The following GABRG3 variants were observed in gnomAD, a reference collection of about 807,000 sequenced individuals.
The protein encoded by GABRG3 is gamma-aminobutyric acid type A receptor subunit gamma3.
A neutral mutation model predicts 48.8 loss-of-function variants in GABRG3; 25 were observed. That is an observed-to-expected ratio of 0.51 (90% CI 0.37 to 0.72). GABRG3 has a LOEUF of 0.72. Ranked by LOEUF, GABRG3 falls within the 30% of genes least tolerant of loss-of-function variation. The pLI is 0.00. For synonymous variants in GABRG3, 227 were observed against 217.6 expected (o/e 1.04, Z -0.38); for missense variants, 394 against 577.9 (o/e 0.68, Z 3.26).
rs572900298 is a variant in GABRG3, at chr15:27,083,547, C to T, written c.270+56726C>T. ...TTCACCATGTTGGCCAGGATGGTCT[C>T]GATCTCCTGACCTCATGATCCACCT... On this transcript the variant is annotated intron_variant, in intron 3 of 9. Coordinates refer to ENST00000615808, the MANE Select transcript of GABRG3 (RefSeq NM_033223.5). Among the ~76,000 whole-genome samples the T allele has an allele frequency of 3.5e-3, 525 of 152,072 alleles. 3 individuals carry two copies. The highest frequency in any genetic ancestry group is 6.5e-3 in the Non-Finnish European group (444 of 67,990).
chr15:27,163,460 A>G (rs1357017969), intron 3 of GABRG3, among the ~76,000 whole-genome samples: 1 of 152,040 alleles, frequency 6.6e-6, no homozygotes, highest in East Asian at 1.9e-4. Flanking sequence ...GGCAAATCTC[A>G]TAACCTCCAT....
rs1290967519 is a variant in GABRG3 at position 27,306,336 on chromosome 15, A to AT, written c.271-20473_271-20472insT. Among the ~76,000 whole-genome samples the AT allele has an allele frequency of 2.2e-4, 24 of 109,560 alleles. 1 individual carries two copies. The highest frequency in any genetic ancestry group is 2.3e-4 in the Non-Finnish European group (14 of 61,064). The allele number at this position is 109,560 out of a possible 152,430, so 71.9% of individuals were successfully genotyped here. A position where few individuals can be genotyped will look rare whatever the true frequency, so the allele number is the denominator to read the frequency against. On this transcript the variant is annotated intron_variant, in intron 3 of 9. Coordinates refer to ENST00000615808, the MANE Select transcript of GABRG3 (RefSeq NM_033223.5). ...TATAAACATGTCTATATATAAACAT[A>AT]AAATATAAACATGTCTACATATAAA...
chr15:27,276,518 C>T (rs976570838), intron 3 of GABRG3, among the ~76,000 whole-genome samples: 1 of 152,122 alleles, frequency 6.6e-6, no homozygotes, highest in East Asian at 1.9e-4. Flanking sequence ...GCACCCAGAA[C>T]AGCACTTCAT....
chr15:27,307,314 T>C (rs1276268949), intron 3 of GABRG3, among the ~76,000 whole-genome samples: 1 of 141,588 alleles, frequency 7.1e-6, no homozygotes, highest in African/African-American at 2.6e-5. Context: ...TAACCATAGG[T>C]TTATATATGT....
intron 3 of GABRG3, among the ~76,000 whole-genome samples, chr15:27,320,533 A>G (rs1182926092): frequency 3.9e-5 from 6 of 152,198 alleles, no homozygotes; most frequent in African/African-American, 1.4e-4. Context: ...CCTATTTCCA[A>G]TAATGCTACA....
At chr15:27,479,510 A>G (rs529956578) in intron 5 of GABRG3, among the ~76,000 whole-genome samples, 1 of 152,314 alleles carries the variant, frequency 6.6e-6, no homozygotes, top group African/African-American at 2.4e-5. Context: ...GCAGAGAGGG[A>G]AAAAAATGAA....
chr15:27,444,609 G>C (rs1002984457), intron 5 of GABRG3, among the ~76,000 whole-genome samples: 1 of 152,056 alleles, frequency 6.6e-6, no homozygotes, highest in Non-Finnish European at 1.5e-5. Context: ...TTTAATTATA[G>C]CTATTAGTCC....
At chr15:27,024,243 C>T (rs1360937452) in intron 2 of GABRG3, among the ~76,000 whole-genome samples, 2 of 152,182 alleles carry the variant, frequency 1.3e-5, no homozygotes, top group Non-Finnish European at 2.9e-5. Context: ...CAAATATTTT[C>T]TCCCACTCAA....
At chr15:27,415,352 A>G (rs1383950448) in intron 5 of GABRG3, among the ~76,000 whole-genome samples, 1 of 152,136 alleles carries the variant, frequency 6.6e-6, no homozygotes, top group Non-Finnish European at 1.5e-5. Context: ...CATGGCTCTG[A>G]CAGTGCTTTG....
chr15:27,424,904 A>G (rs1447958104), intron 5 of GABRG3, among the ~76,000 whole-genome samples: 1 of 152,122 alleles, frequency 6.6e-6, no homozygotes, highest in Non-Finnish European at 1.5e-5. Context: ...TCAGCGTATG[A>G]ACTACGGGGA....
intron 3 of GABRG3, among the ~76,000 whole-genome samples, chr15:27,303,151 G>A (rs1892269894): frequency 6.6e-6 from 1 of 150,636 alleles, no homozygotes; most frequent in South Asian, 2.1e-4. Context: ...TGAAAACCAA[G>A]AACAGTAGAT....
intron 3 of GABRG3, among the ~76,000 whole-genome samples, chr15:27,134,634 T>A (rs1041160879): frequency 2.6e-5 from 4 of 152,146 alleles, no homozygotes; most frequent in Non-Finnish European, 5.9e-5. Flanking sequence ...TAGTGTTCAC[T>A]GTCCTCCTCA....
At chr15:27,154,765 A>G (rs1898386946) in intron 3 of GABRG3, among the ~76,000 whole-genome samples, 1 of 152,160 alleles carries the variant, frequency 6.6e-6, no homozygotes, top group Non-Finnish European at 1.5e-5. Flanking sequence ...ATGCACATAT[A>G]TTCATGAGGA....
intron 5 of GABRG3, among the ~76,000 whole-genome samples, chr15:27,465,156 G>C (rs1299754619): frequency 1.3e-5 from 2 of 152,180 alleles, no homozygotes; most frequent in Non-Finnish European, 2.9e-5. Flanking sequence ...TGGTGGAGGG[G>C]GGTCTCCCCT....
At chr15:27,322,744 A>G (rs1044957254) in intron 3 of GABRG3, among the ~76,000 whole-genome samples, 1 of 152,264 alleles carries the variant, frequency 6.6e-6, no homozygotes, top group Middle Eastern at 3.4e-3. Context: ...GTTCTTCTAC[A>G]CGCCCCGAGT....
At chr15:27,321,762 C>A (rs1259942615) in intron 3 of GABRG3, among the ~76,000 whole-genome samples, 2 of 152,184 alleles carry the variant, frequency 1.3e-5, no homozygotes, top group Non-Finnish European at 2.9e-5. Flanking sequence ...TCCTTTTTTT[C>A]ATTTGGTCCT....
intron 3 of GABRG3, among the ~76,000 whole-genome samples, chr15:27,154,864 G>T (rs897433545): frequency 5.9e-5 from 9 of 151,758 alleles, no homozygotes; most frequent in Admixed American, 2.0e-4. Context: ...ATTTAGCAAC[G>T]TTCCTTCCTT....
chr15:27,398,093 T>C (rs1032429309), intron 5 of GABRG3, among the ~76,000 whole-genome samples: 6 of 152,128 alleles, frequency 3.9e-5, no homozygotes, highest in Non-Finnish European at 7.4e-5. Context: ...TGTGAGCCAC[T>C]GTGCCCGGCT....
At chr15:27,238,533 C>G (rs2140452261) in intron 3 of GABRG3, among the ~76,000 whole-genome samples, 1 of 152,334 alleles carries the variant, frequency 6.6e-6, no homozygotes, top group South Asian at 2.1e-4. Flanking sequence ...GTCCCTCCTT[C>G]TCTATTCTGT....
Sources: gnomAD v4.1 joint callset for allele counts (sites outside exome capture counted in the v4.1 genomes callset) on GRCh38, gnomAD v4.1.1 for gene constraint, MANE v1.5 for transcripts, NCBI Gene and HGNC (gene_info 2026-07-23, HGNC 2026-07-21) for gene names.